ADAR: variants seen among roughly 807,000 people sequenced by gnomAD.
The protein encoded by ADAR is adenosine deaminase RNA specific, also known as double-stranded RNA-specific adenosine deaminase.
In ADAR, 41 loss-of-function variants were observed where a neutral mutation model predicts 113.2. The observed-to-expected ratio is 0.36, with a 90% CI of 0.28 to 0.47. ADAR has a LOEUF of 0.47. Among genes scored for constraint, ADAR ranks in the 20% least tolerant of loss-of-function variants. The pLI is 1.00. For synonymous variants in ADAR, 605 were observed against 572.6 expected (o/e 1.06, Z -0.81); for missense variants, 1,242 against 1,540.9 (o/e 0.81, Z 3.25).
chr1:154,622,471 G>A (rs2101701185), intron 1 of ADAR, among the ~76,000 whole-genome samples: 1 of 152,292 alleles, frequency 6.6e-6, no homozygotes, highest in Middle Eastern at 3.4e-3. Flanking sequence ...AAAGGACTAA[G>A]AACAGTGCCT....
chr1:154,596,525 C>G (rs939895234), intron 6 of ADAR, among the ~76,000 whole-genome samples: 14 of 152,166 alleles, frequency 9.2e-5, no homozygotes, highest in African/African-American at 3.1e-4. Context: ...CAGGCGTGAG[C>G]CACCATGTCT....
At chr1:154,623,875 C>T (rs1698861166) in intron 1 of ADAR, among the ~76,000 whole-genome samples, 1 of 151,996 alleles carries the variant, frequency 6.6e-6, no homozygotes, top group Non-Finnish European at 1.5e-5. Flanking sequence ...TAGTGACGGG[C>T]TCCTGTAATC....
At chr1:154,608,863 T>C, upstream of ADAR, 1 of 144,574 alleles carries the variant, frequency 6.9e-6, no homozygotes, top group Non-Finnish European at 1.5e-5. Flanking sequence ...AGCGCAGATC[T>C]CGTCAAACGA....
chr1:154,597,984 A>G lies in ADAR; in HGVS notation c.1786-8T>C. 6.2e-7 allele frequency: 1 copy of G among 1,613,542 alleles called. No individual in the cohort carries two copies. Among genetic ancestry groups the G allele is most frequent in the Non-Finnish European group, 8.5e-7 (1 of 1,179,682 alleles). Reference sequence around the variant, plus strand: ...GGTCTGGGACTCTGCAGTCTAGAGAAAATGAGAGACAAGAAGAAAACAAAA... The same window carrying G: ...GGTCTGGGACTCTGCAGTCTAGAGAGAATGAGAGACAAGAAGAAAACAAAA... On this transcript the variant is annotated splice_polypyrimidine_tract_variant and splice_region_variant and intron_variant, in intron 3 of 14. Coordinates refer to ENST00000368474, the MANE Select transcript of ADAR (RefSeq NM_001111.5).
chr1:154,588,026 G>A, intron 11 of ADAR, 99 bp downstream of exon 11: 1 of 1,566,724 alleles, frequency 6.4e-7, no homozygotes, highest in Non-Finnish European at 8.7e-7. Flanking sequence ...TCTGTGCCCA[G>A]TGACTAATGG....
chr1:154,586,074 T>C (rs1422898971), intron 12 of ADAR, 107 bp downstream of exon 12: 3 of 1,422,600 alleles, frequency 2.1e-6, no homozygotes, highest in Non-Finnish European at 2.0e-6. Context: ...GAGTGAATCA[T>C]GCTCACTTTG....
chr1:154,591,872 A>C (rs1697172426), intron 6 of ADAR, among the ~76,000 whole-genome samples: 1 of 152,174 alleles, frequency 6.6e-6, no homozygotes, highest in African/African-American at 2.4e-5. Context: ...CAGTGGGCTT[A>C]AGTTCAGAAT....
intron 1 of ADAR, among the ~76,000 whole-genome samples, chr1:154,607,513 G>C (rs1698271152): frequency 6.8e-6 from 1 of 146,106 alleles, no homozygotes; most frequent in Non-Finnish European, 1.5e-5. Context: ...CGTTGTTCAA[G>C]TGGGGCTAAA....
At chr1:154,590,134 T>TCGGCGGGGGGGGGG in intron 7 of ADAR, 50 bp downstream of exon 7, 2 of 1,447,042 alleles carry the variant, frequency 1.4e-6, no homozygotes, top group Non-Finnish European at 1.9e-6. Flanking sequence ...ACTTAGGAGT[T>TCGGCGGGGGGGGGG]AGGAGGACCC....
At position 154,601,704 on chromosome 1, in the gene ADAR, G is replaced by A. The variant is rs1425375995; in HGVS notation, c.938C>T (p.Ser313Phe). 1 of 1,614,210 alleles carries A rather than the reference G, an allele frequency of 6.2e-7. No individual in the cohort carries two copies. Among genetic ancestry groups the A allele is most frequent in the East Asian group, 2.2e-5 (1 of 44,896 alleles). The change falls in exon 2 of 15, where the codon TCC (serine) becomes TTC (phenylalanine). Residue 313 changes from serine (S) to phenylalanine (F), a missense_variant. Around this residue, in one of 2 missense-constraint regions of ADAR, gnomAD observed 462 missense variants for 483.1 expected, o/e 0.96. Coordinates refer to ENST00000368474, the MANE Select transcript of ADAR (RefSeq NM_001111.5). The surrounding 1 kb of genome is among the most constrained non-coding windows in gnomAD (Gnocchi z 4.7). Reference sequence around the variant, plus strand: ...ATTTTTAGCCAAATTCAGGGCAGAGGAGTCAGACACATTGAAGAGATAGTC... The same window carrying A: ...ATTTTTAGCCAAATTCAGGGCAGAGAAGTCAGACACATTGAAGAGATAGTC... ...ICDYLFNVSD[S>F]SALNLAKNIG...
chr1:154,590,928 T>C (rs1400509327), intron 6 of ADAR, among the ~76,000 whole-genome samples: 1 of 152,032 alleles, frequency 6.6e-6, no homozygotes, highest in Non-Finnish European at 1.5e-5. Flanking sequence ...CACTCCAGCC[T>C]GCGCGAGACA....
chr1:154,586,993 A>G (rs1696806174), intron 11 of ADAR, among the ~76,000 whole-genome samples: 1 of 152,248 alleles, frequency 6.6e-6, no homozygotes, highest in Admixed American at 6.5e-5. Flanking sequence ...GATATAGTTC[A>G]TATGCCATAC....
rs747691527 is a variant in ADAR at position 154,588,552 on chromosome 1, T to C, written c.2884A>G (p.Ser962Gly). 6.2e-7 allele frequency: 1 copy of C among 1,613,976 alleles called. No individual in the cohort carries two copies. The highest frequency in any genetic ancestry group is 8.5e-7 in the Non-Finnish European group (1 of 1,180,038). ...GGCAGCAACAGGAACTGTACAGACC[T>C]GATATACAGATGGAATGACACAGTC... is the stretch of plus-strand genomic sequence containing the variant. ...KKTVSFHLYI[S>G]TAPCGDGALF... Residue 962 changes from serine to glycine, a missense_variant and splice_region_variant, in exon 10 of 15, where the codon AGC becomes GGC. Coordinates refer to ENST00000368474, the MANE Select transcript of ADAR (RefSeq NM_001111.5).
intron 6 of ADAR, among the ~76,000 whole-genome samples, chr1:154,593,368 A>G (rs1571077887): frequency 6.6e-6 from 1 of 152,164 alleles, no homozygotes; most frequent in South Asian, 2.1e-4. Context: ...CTGTGTCCCC[A>G]CAGCACTCTG....
intron 12 of ADAR, 109 bp downstream of exon 12, chr1:154,586,072 C>A: frequency 7.1e-7 from 1 of 1,415,644 alleles, no homozygotes; most frequent in South Asian, 1.2e-5. Flanking sequence ...AGGAGTGAAT[C>A]ATGCTCACTT....
At chr1:154,609,977 A>G (rs1279771877), upstream of ADAR, among the ~76,000 whole-genome samples, 3 of 152,214 alleles carry the variant, frequency 2.0e-5, no homozygotes, top group Non-Finnish European at 4.4e-5. Flanking sequence ...TGGTTAGTTG[A>G]AAGAATAACA....
chr1:154,608,544 G>A (rs1389580693), upstream of ADAR, among the ~76,000 whole-genome samples: 1 of 118,548 alleles, frequency 8.4e-6, no homozygotes, highest in East Asian at 2.7e-4. Flanking sequence ...GTTTCACCAC[G>A]TTAGCCAGGG....
upstream of ADAR, among the ~76,000 whole-genome samples, chr1:154,611,459 G>A (rs1219472675): frequency 1.3e-5 from 2 of 151,766 alleles, no homozygotes; most frequent in Non-Finnish European, 1.5e-5. Context: ...GTGAGGTGAT[G>A]ATGTCTTTTT....
chr1:154,621,637 T>C (rs990024220), intron 1 of ADAR, among the ~76,000 whole-genome samples: 2 of 152,198 alleles, frequency 1.3e-5, no homozygotes, highest in African/African-American at 4.8e-5. Context: ...TAATAAAAAA[T>C]GCAAATTAAA....
Sources: gnomAD v4.1 joint callset for allele counts (sites outside exome capture counted in the v4.1 genomes callset) on GRCh38, gnomAD v4.1.1 for gene constraint, gnomAD v4.1.1 regional missense constraint, Gnocchi (gnomAD v3.1) non-coding constraint, MANE v1.5 for transcripts, NCBI Gene and HGNC (gene_info 2026-07-23, HGNC 2026-07-21) for gene names.